The following PRPSAP2 variants were observed in gnomAD, a reference collection of about 807,000 sequenced individuals.
The protein encoded by PRPSAP2 is phosphoribosyl pyrophosphate synthase-associated protein 2.
Under a neutral mutation model 40.6 loss-of-function variants are expected in PRPSAP2, and 24 were observed. That is an observed-to-expected ratio of 0.59 (90% CI 0.43 to 0.83). The LOEUF (loss-of-function observed/expected upper bound fraction) is 0.83. Ranked by LOEUF, PRPSAP2 falls within the 40% of genes least tolerant of loss-of-function variation. The pLI, the probability that PRPSAP2 is intolerant of heterozygous loss-of-function variation, is 0.00. For synonymous variants in PRPSAP2, 149 were observed against 164.7 expected (o/e 0.90, Z 0.73); for missense variants, 292 against 465.6 (o/e 0.63, Z 3.43).
At chr17:18,919,398 C>A (rs1389071319) in intron 9 of PRPSAP2, among the ~76,000 whole-genome samples, 1 of 152,014 alleles carries the variant, frequency 6.6e-6, no homozygotes, top group Non-Finnish European at 1.5e-5. Flanking sequence ...ATCGCAGCTA[C>A]TCAGGAGGCT....
At chr17:18,917,581 ATTATTTTTTTTT>A (rs2041423271) in intron 9 of PRPSAP2, 4 of 36,194 alleles carry the variant, frequency 1.1e-4, no homozygotes, top group African/African-American at 2.6e-4. Flanking sequence ...TATTATTATT[ATTATTTTTTTTT>A]TTTTTTTTTT....
chr17:18,858,102 G>GCCCCCGCCCCGCCCCCGCCCCCGC (rs2036719177), upstream of PRPSAP2: 1 of 151,752 alleles, frequency 6.6e-6, no homozygotes, highest in Non-Finnish European at 1.5e-5. Context: ...CTCTAGTCCC[G>GCCCCCGCCCCGCCCCCGCCCCCGC]CCCTCGCCCC....
Position 18,923,256 on chromosome 17 carries a change from A to ATT in PRPSAP2, c.734-636_734-635dup, listed in dbSNP as rs34975526. ...AGGCGCCCACTAGCACACTTGGCTA[A>ATT]TTTTTTTTTTTTTTTTTTTTTTTGT... On this transcript the variant is annotated intron_variant, in intron 9 of 11. Coordinates refer to ENST00000268835, the MANE Select transcript of PRPSAP2 (RefSeq NM_002767.4). 7.3e-3 allele frequency among the ~76,000 whole-genome samples: 770 copies of ATT among 105,378 alleles called. 9 individuals are homozygous for ATT. The highest frequency in any genetic ancestry group is 0.017 in the African/African-American group (443 of 26,634). The allele number at this position is 105,378 out of a possible 152,430, so 69.1% of individuals were successfully genotyped here.
intron 10 of PRPSAP2, among the ~76,000 whole-genome samples, chr17:18,925,800 C>T (rs1217366467): frequency 6.6e-6 from 1 of 152,156 alleles, no homozygotes; most frequent in African/African-American, 2.4e-5. Flanking sequence ...ATTTTGTACG[C>T]ACCCTTTTCA....
chr17:18,901,167 C>T (rs2040244498), intron 8 of PRPSAP2, among the ~76,000 whole-genome samples: 2 of 152,152 alleles, frequency 1.3e-5, no homozygotes, highest in African/African-American at 2.4e-5. Context: ...TTTTCTCACT[C>T]ACTAGGTTGC....
chr17:18,861,027 A>G (rs1295473536), intron 1 of PRPSAP2, among the ~76,000 whole-genome samples: 1 of 152,214 alleles, frequency 6.6e-6, no homozygotes, highest in Non-Finnish European at 1.5e-5. Flanking sequence ...ATTTCACACT[A>G]AAACCTTGTG....
chr17:18,875,389 C>T (rs1222560921), intron 5 of PRPSAP2, among the ~76,000 whole-genome samples: 1 of 151,958 alleles, frequency 6.6e-6, no homozygotes, highest in Non-Finnish European at 1.5e-5. Flanking sequence ...CACGGTGAAA[C>T]CCTGTCTTTA....
In PRPSAP2 at chr17:18,877,735, G is replaced by A; in HGVS notation, c.277G>A (p.Val93Met). ...NTTIMELLIM[V>M]YACKTSCAKS... Reference sequence around the variant, plus strand: ...CACCATCATGGAGCTCCTGATCATGGTGTATGCATGTAAGACCTCTTGTGC... The same window carrying A: ...CACCATCATGGAGCTCCTGATCATGATGTATGCATGTAAGACCTCTTGTGC... The change falls in exon 6 of 12, where the codon GTG becomes ATG. Residue 93 changes from valine (V) to methionine (M), a missense_variant. Transcript: ENST00000268835. The A allele has an allele frequency of 1.2e-6, 2 of 1,612,228 alleles. No individual in the cohort carries two copies. Among genetic ancestry groups the A allele is most frequent in the Non-Finnish European group, 1.7e-6 (2 of 1,179,516 alleles).
chr17:18,875,333 G>A (rs1483390203), intron 5 of PRPSAP2, among the ~76,000 whole-genome samples: 1 of 152,108 alleles, frequency 6.6e-6, no homozygotes, highest in African/African-American at 2.4e-5. Context: ...GGAGGTCGAG[G>A]TGGGCATATC....
In PRPSAP2 at chr17:18,908,543, G is replaced by A. The variant is rs2040746711; in HGVS notation, c.585-2560G>A. On this transcript the variant is annotated intron_variant, in intron 8 of 11. Coordinates refer to ENST00000268835, the MANE Select transcript of PRPSAP2 (RefSeq NM_002767.4). The stretch of plus-strand genomic sequence containing the variant: ...GACCATCTGCCTCCTCATGCGGAGG[G>A]ACAAGACCCTGAAGATCTGTGCTAA... 8 of 750,328 alleles carry A rather than the reference G, an allele frequency of 1.1e-5. No homozygotes were observed. In the Admixed American group the frequency reaches 1.5e-4, roughly 14 times the overall value. The allele number at this position is 750,328 out of a possible 1,614,324, so 46.5% of individuals were successfully genotyped here. A position where few individuals can be genotyped will look rare whatever the true frequency, so the allele number is the denominator to read the frequency against.
intron 1 of PRPSAP2, among the ~76,000 whole-genome samples, chr17:18,863,689 C>G (rs753441133): frequency 6.6e-6 from 1 of 151,744 alleles, no homozygotes; most frequent in Non-Finnish European, 1.5e-5. Context: ...CCTGCCACCA[C>G]GCCCGGCTAA....
At chr17:18,908,374 G>A in intron 8 of PRPSAP2, 1 of 771,566 alleles carries the variant, frequency 1.3e-6, no homozygotes, top group East Asian at 2.4e-5. Flanking sequence ...CTCTTCCTGA[G>A]CAAGAAATTA....
At chr17:18,906,780 C>A (rs914387220) in intron 8 of PRPSAP2, among the ~76,000 whole-genome samples, 1 of 151,980 alleles carries the variant, frequency 6.6e-6, no homozygotes, top group Admixed American at 6.6e-5. Context: ...CTCCTTGTCC[C>A]AAGTGATCTG....
At chr17:18,907,861 G>A (rs529314066) in intron 8 of PRPSAP2, among the ~76,000 whole-genome samples, 18 of 152,152 alleles carry the variant, frequency 1.2e-4, no homozygotes, top group Admixed American at 7.2e-4. Context: ...CACAGGCCAG[G>A]CGCGGTGGCT....
intron 8 of PRPSAP2, among the ~76,000 whole-genome samples, chr17:18,901,693 G>A (rs1431227278): frequency 6.6e-6 from 1 of 150,914 alleles, no homozygotes; most frequent in East Asian, 2.0e-4. Flanking sequence ...TCTCATTTTT[G>A]TTTGTATGTA....
intron 4 of PRPSAP2, among the ~76,000 whole-genome samples, chr17:18,869,997 G>A (rs1274994289): frequency 6.6e-6 from 1 of 151,912 alleles, no homozygotes; most frequent in African/African-American, 2.4e-5. Context: ...ACAGGTGTGT[G>A]CCAGCACGCC....
intron 9 of PRPSAP2, among the ~76,000 whole-genome samples, chr17:18,912,777 G>T (rs2041043727): frequency 6.6e-6 from 1 of 152,198 alleles, no homozygotes; most frequent in Non-Finnish European, 1.5e-5. Flanking sequence ...GTTCACGCTT[G>T]TAGTCCCAGC....
chr17:18,862,340 T>A (rs899911561), intron 1 of PRPSAP2, among the ~76,000 whole-genome samples: 1 of 152,186 alleles, frequency 6.6e-6, no homozygotes, highest in Non-Finnish European at 1.5e-5. Context: ...TGGGCTGAAC[T>A]ACCTCTAAGA....
At position 18,922,309 on chromosome 17, in the gene PRPSAP2, G is replaced by A. The variant is rs1464003340; in HGVS notation, c.734-1605G>A. 2.0e-5 allele frequency among the ~76,000 whole-genome samples: 3 copies of A among 152,278 alleles called. No individual in the cohort carries two copies. The East Asian group carries it at 5.8e-4, about 29-fold the overall frequency. Reference sequence around the variant, plus strand: ...TTTCTCATGGTCTATACCTGGTATCGGAATTGCTGCGTCACTTGGTGTATG... The same window carrying A: ...TTTCTCATGGTCTATACCTGGTATCAGAATTGCTGCGTCACTTGGTGTATG... On this transcript the variant is annotated intron_variant, in intron 9 of 11. Coordinates refer to ENST00000268835, the MANE Select transcript of PRPSAP2 (RefSeq NM_002767.4).
Sources: allele counts gnomAD v4.1 joint callset (sites outside exome capture counted in the v4.1 genomes callset), GRCh38; gene constraint gnomAD v4.1.1; transcripts MANE v1.5; gene names NCBI Gene and HGNC (gene_info 2026-07-23, HGNC 2026-07-21).